PLA2G4A: variants seen among roughly 807,000 people sequenced by gnomAD.
PLA2G4A encodes cytosolic phospholipase A2.
In PLA2G4A, 40 loss-of-function variants were observed where a neutral mutation model predicts 81.9. The observed-to-expected ratio is 0.49, with a 90% confidence interval of 0.38 to 0.64. The LOEUF is 0.64. Among genes scored for constraint, PLA2G4A ranks in the 30% least tolerant of loss-of-function variants. The pLI, the probability that PLA2G4A is intolerant of heterozygous loss-of-function variation, is 0.00. For missense variants in PLA2G4A, 715 were observed against 905.1 expected, an observed-to-expected ratio of 0.79 and a Z score of 2.69; for synonymous variants, 302 against 296.9, an observed-to-expected ratio of 1.02 and a Z score of -0.18.
At position 186,956,232 on chromosome 1, in the gene PLA2G4A, A is replaced by G. The variant is rs1656749319; in HGVS notation, c.1467A>G (p.Val489=). The G allele has an allele frequency of 6.2e-7, 1 of 1,614,088 alleles. No individual in the cohort carries two copies. The highest frequency in any genetic ancestry group is 2.2e-5 in the East Asian group (1 of 44,864). ...FNTREGRAGK[V]HNFMLGLNLN... ...CCAGAGAAGGACGTGCTGGGAAGGTACACAACTTCATGCTGGGCTTGAATC... is the reference window on the plus strand; with the variant it reads ...CCAGAGAAGGACGTGCTGGGAAGGTGCACAACTTCATGCTGGGCTTGAATC... Residue 489 remains valine (V), a synonymous_variant, in exon 14 of 18, where the codon GTA becomes GTG. Transcript: ENST00000367466.
At chr1:186,987,077 T>C (rs546246374) in intron 17 of PLA2G4A, among the ~76,000 whole-genome samples, 2 of 152,380 alleles carry the variant, frequency 1.3e-5, no homozygotes, top group Admixed American at 6.5e-5. Flanking sequence ...ACTGCGTTTT[T>C]AAAGTTACTA....
chr1:186,960,621 T>C (rs531830558), intron 14 of PLA2G4A, among the ~76,000 whole-genome samples: 1 of 152,366 alleles, frequency 6.6e-6, no homozygotes, highest in South Asian at 2.1e-4. Context: ...CTACTGAGTT[T>C]AAGTCCTACT....
At chr1:186,957,314 A>C (rs1325025731) in intron 14 of PLA2G4A, among the ~76,000 whole-genome samples, 2 of 152,196 alleles carry the variant, frequency 1.3e-5, no homozygotes, top group African/African-American at 4.8e-5. Flanking sequence ...TCAGGAATTT[A>C]AATAAGGGAA....
chr1:186,875,941 TG>T (rs1315507312), intron 3 of PLA2G4A, among the ~76,000 whole-genome samples: 1 of 152,156 alleles, frequency 6.6e-6, no homozygotes, highest in African/African-American at 2.4e-5. Flanking sequence ...TGTCAGAGAA[TG>T]TAAGCACAAA....
At chr1:186,855,392 GTCTGAC>G (rs1196357327) in intron 2 of PLA2G4A, among the ~76,000 whole-genome samples, 1 of 151,752 alleles carries the variant, frequency 6.6e-6, no homozygotes, top group South Asian at 2.1e-4. Flanking sequence ...TCTTCTTTCT[GTCTGAC>G]TCTCTTTTTT....
intron 8 of PLA2G4A, among the ~76,000 whole-genome samples, chr1:186,934,443 C>CATATATATATATAT (rs71571011): frequency 0.054 from 5,396 of 99,268 alleles, 348 homozygotes; most frequent in Admixed American, 0.11. Flanking sequence ...TAAATGTGCA[C>CATATATATATATAT]ATATATATAT....
intron 3 of PLA2G4A, among the ~76,000 whole-genome samples, chr1:186,884,213 G>T (rs1289339974): frequency 1.3e-5 from 2 of 149,658 alleles, no homozygotes; most frequent in African/African-American, 4.9e-5. Context: ...TAAATTGTGA[G>T]ATATAGGGAA....
intron 3 of PLA2G4A, among the ~76,000 whole-genome samples, chr1:186,881,869 T>C (rs1653746773): frequency 6.6e-6 from 1 of 152,064 alleles, no homozygotes; most frequent in Non-Finnish European, 1.5e-5. Flanking sequence ...TCCTTTCTTT[T>C]AGTAATGTGT....
chr1:186,841,134 T>C (rs1156705109), intron 1 of PLA2G4A, among the ~76,000 whole-genome samples: 2 of 152,238 alleles, frequency 1.3e-5, no homozygotes, highest in Non-Finnish European at 2.9e-5. Flanking sequence ...GTGATATTAT[T>C]TCATAATGGT....
At chr1:186,886,358 G>C (rs1653938256) in intron 3 of PLA2G4A, among the ~76,000 whole-genome samples, 1 of 152,092 alleles carries the variant, frequency 6.6e-6, no homozygotes, top group South Asian at 2.1e-4. Flanking sequence ...AATAAATAAT[G>C]CTGGGTCTAT....
intron 3 of PLA2G4A, among the ~76,000 whole-genome samples, chr1:186,875,278 G>T (rs1389285705): frequency 1.3e-5 from 2 of 151,878 alleles, no homozygotes; most frequent in Non-Finnish European, 2.9e-5. Flanking sequence ...TTTTACTTTT[G>T]TAAAATGAAA....
Position 186,988,140 on chromosome 1 carries a change from A to G in PLA2G4A, c.2119-237A>G, listed in dbSNP as rs1352591143. Reference sequence around the variant, plus strand: ...AATTTATCAGCATAAAATCTAGAACATTTCCAGAATCCTTCTTTCCCTGGT... The same window carrying G: ...AATTTATCAGCATAAAATCTAGAACGTTTCCAGAATCCTTCTTTCCCTGGT... On this transcript the variant is annotated intron_variant, in intron 17 of 17. Transcript: ENST00000367466. Among the ~76,000 whole-genome samples, 3 of 152,310 alleles carry G rather than the reference A, an allele frequency of 2.0e-5. No homozygotes were observed. The East Asian group carries it at 5.8e-4, about 29-fold the overall frequency.
At chr1:186,884,256 CTT>C (rs758656530) in intron 3 of PLA2G4A, among the ~76,000 whole-genome samples, 90 of 136,178 alleles carry the variant, frequency 6.6e-4, no homozygotes, top group Middle Eastern at 3.8e-3. Flanking sequence ...AATCCTCCCC[CTT>C]TTTTTTTTTT....
At chr1:186,860,528 G>A (rs1381007122) in intron 2 of PLA2G4A, among the ~76,000 whole-genome samples, 1 of 152,102 alleles carries the variant, frequency 6.6e-6, no homozygotes, top group Non-Finnish European at 1.5e-5. Flanking sequence ...CATCCAGGAG[G>A]GCAATCTACT....
chr1:186,882,979 C>T (rs779939283), intron 3 of PLA2G4A, among the ~76,000 whole-genome samples: 1 of 148,956 alleles, frequency 6.7e-6, no homozygotes, highest in African/African-American at 2.5e-5. Flanking sequence ...GGAAAAATAA[C>T]AAGTTTTTAT....
chr1:186,892,748 CCT>C (rs1654189890), intron 3 of PLA2G4A, among the ~76,000 whole-genome samples: 1 of 152,176 alleles, frequency 6.6e-6, no homozygotes, highest in African/African-American at 2.4e-5. Flanking sequence ...TTGAACCTGT[CCT>C]CTCTAGATAG....
At chr1:186,879,391 T>C (rs574012917) in intron 3 of PLA2G4A, among the ~76,000 whole-genome samples, 55 of 152,162 alleles carry the variant, frequency 3.6e-4, no homozygotes, top group African/African-American at 1.3e-3. Context: ...ATGTAGTTAG[T>C]ACTTATTTAG....
At chr1:186,891,464 C>A (rs1448363828) in intron 3 of PLA2G4A, among the ~76,000 whole-genome samples, 1 of 152,080 alleles carries the variant, frequency 6.6e-6, no homozygotes, top group African/African-American at 2.4e-5. Context: ...CCCCTACTAC[C>A]CTTCCCAGCC....
At chr1:186,870,693 T>G in intron 3 of PLA2G4A, 177 bp downstream of exon 3, 1 of 1,507,924 alleles carries the variant, frequency 6.6e-7, no homozygotes, top group Non-Finnish European at 9.0e-7. Flanking sequence ...ATTAGCATTT[T>G]ACCTGGGCCT....
Sources: allele counts gnomAD v4.1 joint callset (sites outside exome capture counted in the v4.1 genomes callset), GRCh38; gene constraint gnomAD v4.1.1; transcripts MANE v1.5; gene names NCBI Gene and HGNC (gene_info 2026-07-23, HGNC 2026-07-21).